Variants in PARD3 observed in about 807,000 individuals in gnomAD.
PARD3 encodes partitioning defective 3 homolog.
In PARD3, 75 loss-of-function variants were observed where a neutral mutation model predicts 155.4. The observed-to-expected ratio is 0.48, with a 90% CI of 0.40 to 0.58. The LOEUF is 0.58. PARD3 is among the 20% of genes least tolerant of loss of function. The pLI is 0.00. For missense variants in PARD3, 1,642 were observed against 1,721.7 expected (o/e 0.95, Z 0.82); for synonymous variants, 576 against 610.5 (o/e 0.94, Z 0.83).
intron 21 of PARD3, among the ~76,000 whole-genome samples, chr10:34,274,023 A>G (rs1185637238): frequency 6.6e-6 from 1 of 152,190 alleles, no homozygotes; most frequent in Non-Finnish European, 1.5e-5. Flanking sequence ...AGTGTCCCCA[A>G]TGGGGCAACG....
At position 34,542,004 on chromosome 10, in the gene PARD3, G is replaced by A. The variant is rs193057142; in HGVS notation, c.223-24845C>T. 4.4e-3 allele frequency among the ~76,000 whole-genome samples: 673 copies of A among 152,176 alleles called. 2 individuals carry two copies. Among genetic ancestry groups the A allele is most frequent in the Non-Finnish European group, 7.4e-3 (503 of 68,014 alleles). On this transcript the variant is annotated intron_variant, in intron 2 of 24. Transcript: ENST00000374788. ...CAGTCCTCCAGCCTCAGCCTCCCGA[G>A]TAGCTGAGACACAGGCAAGCAACAC...
At chr10:34,510,213 CTTCT>C in intron 3 of PARD3, among the ~76,000 whole-genome samples, 1 of 152,308 alleles carries the variant, frequency 6.6e-6, no homozygotes, top group East Asian at 1.9e-4. Context: ...ATATGCCCCT[CTTCT>C]AGGTAGCCCA....
chr10:34,653,659 T>A (rs1054735960), intron 2 of PARD3, among the ~76,000 whole-genome samples: 23 of 152,058 alleles, frequency 1.5e-4, no homozygotes, highest in Admixed American at 7.9e-4. Context: ...GTGGTGCACC[T>A]GTGGTCCCAG....
chr10:34,283,933 T>C (rs1372123425), intron 21 of PARD3, among the ~76,000 whole-genome samples: 2 of 151,654 alleles, frequency 1.3e-5, no homozygotes, highest in Non-Finnish European at 2.9e-5. Context: ...AAATCCACTT[T>C]GATGTCACAA....
intron 2 of PARD3, among the ~76,000 whole-genome samples, chr10:34,517,700 CCACA>C (rs948501670): frequency 6.6e-6 from 1 of 151,802 alleles, no homozygotes; most frequent in Admixed American, 6.6e-5. Context: ...TACACGCCCC[CCACA>C]CACACACAAA....
intron 3 of PARD3, among the ~76,000 whole-genome samples, chr10:34,492,960 T>C (rs990048066): frequency 6.6e-6 from 1 of 152,212 alleles, no homozygotes. Flanking sequence ...AATAGCAAAA[T>C]GGGAATTCCA....
chr10:34,206,075 T>C (rs1393113357), intron 22 of PARD3, among the ~76,000 whole-genome samples: 1 of 152,116 alleles, frequency 6.6e-6, no homozygotes, highest in Non-Finnish European at 1.5e-5. Context: ...AAAAAACCCT[T>C]TCACATGTAT....
At chr10:34,783,071 T>G (rs1246913129) in intron 1 of PARD3, among the ~76,000 whole-genome samples, 2 of 152,090 alleles carry the variant, frequency 1.3e-5, no homozygotes, top group Non-Finnish European at 2.9e-5. Flanking sequence ...GACATGTTTG[T>G]CAGGGTGTCA....
intron 2 of PARD3, among the ~76,000 whole-genome samples, chr10:34,689,605 C>T (rs1258892617): frequency 2.6e-5 from 4 of 151,988 alleles, no homozygotes; most frequent in Admixed American, 2.6e-4. Context: ...TGTTATTTCA[C>T]CTATTAATGT....
chr10:34,206,153 AGTGGGAGGTCCCAGTGCAGGT>A (rs577924397), intron 22 of PARD3, among the ~76,000 whole-genome samples: 4,178 of 152,344 alleles, frequency 0.027, 89 homozygotes, highest in Non-Finnish European at 0.041. Context: ...GGAGAGGCAC[AGTGGGAGGTCCCAGTGCAGGT>A]GTGGAAGGTG....
intron 2 of PARD3, among the ~76,000 whole-genome samples, chr10:34,555,370 A>G (rs2084904235): frequency 6.6e-6 from 1 of 152,192 alleles, no homozygotes; most frequent in African/African-American, 2.4e-5. Context: ...GAATGATACA[A>G]TCACTTTTTA....
At chr10:34,344,937 G>T in intron 15 of PARD3, 2 of 985,386 alleles carry the variant, frequency 2.0e-6, no homozygotes, top group South Asian at 4.7e-5. Context: ...GACATATAAG[G>T]TAAGTTGGCT....
intron 22 of PARD3, among the ~76,000 whole-genome samples, chr10:34,150,554 A>T (rs1353919376): frequency 6.6e-6 from 1 of 152,172 alleles, no homozygotes; most frequent in East Asian, 1.9e-4. Context: ...GGGATGTTAC[A>T]ATGTGCTGGG....
At position 34,814,995 on chromosome 10, in the gene PARD3, TGCCGCCGCC is replaced by T; in HGVS notation, c.-9_-1del. The T allele has an allele frequency of 6.7e-7, 1 of 1,485,972 alleles. No individual in the cohort carries two copies. Among genetic ancestry groups the T allele is most frequent in the Non-Finnish European group, 9.0e-7 (1 of 1,116,038 alleles). The allele number at this position is 1,485,972 out of a possible 1,614,324, so 92.0% of individuals were successfully genotyped here. On this transcript the variant is annotated 5_prime_UTR_variant, in exon 1 of 25. Coordinates refer to ENST00000374788, the MANE Select transcript of PARD3 (RefSeq NM_001184785.2). ...CGTCCGAAGCACACGGTCACTTTCA[TGCCGCCGCC>T]GCCGCGGGCGGGCCCGCGCCCCTCG...
intron 21 of PARD3, among the ~76,000 whole-genome samples, chr10:34,274,719 G>A (rs1443508117): frequency 6.6e-6 from 1 of 152,090 alleles, no homozygotes; most frequent in Non-Finnish European, 1.5e-5. Flanking sequence ...AAAAATCAAA[G>A]AGAAGGACTC....
At chr10:34,553,808 C>T (rs1340661960) in intron 2 of PARD3, among the ~76,000 whole-genome samples, 1 of 152,190 alleles carries the variant, frequency 6.6e-6, no homozygotes, top group Non-Finnish European at 1.5e-5. Context: ...GTCTAAGACA[C>T]TTAACCCAAC....
At chr10:34,246,519 A>G (rs1300941441) in intron 22 of PARD3, among the ~76,000 whole-genome samples, 1 of 152,140 alleles carries the variant, frequency 6.6e-6, no homozygotes, top group Non-Finnish European at 1.5e-5. Flanking sequence ...TGGGAGGCTA[A>G]GGTGGTCAGC....
At chr10:34,418,397 C>T (rs1845875236) in intron 5 of PARD3, among the ~76,000 whole-genome samples, 3 of 152,138 alleles carry the variant, frequency 2.0e-5, no homozygotes, top group Admixed American at 1.3e-4. Flanking sequence ...TAGTCTTGAA[C>T]TCCTAGACTC....
intron 23 of PARD3, among the ~76,000 whole-genome samples, chr10:34,121,160 T>C (rs1212061736): frequency 1.2e-4 from 18 of 152,256 alleles, no homozygotes; most frequent in Non-Finnish European, 4.4e-5. Flanking sequence ...CGAAATCAGA[T>C]TACTGAACGT....
Sources: gnomAD v4.1 joint callset for allele counts (sites outside exome capture counted in the v4.1 genomes callset) on GRCh38, gnomAD v4.1.1 for gene constraint, MANE v1.5 for transcripts, NCBI Gene and HGNC (gene_info 2026-07-23, HGNC 2026-07-21) for gene names.